The following CA4 variants were observed in gnomAD, a reference collection of about 807,000 sequenced individuals.
The protein encoded by CA4 is carbonic anhydrase 4, also known as CA-IV.
Under a neutral mutation model 34.5 loss-of-function variants are expected in CA4, and 24 were observed. That is an observed-to-expected ratio of 0.70 (90% CI 0.50 to 0.98). CA4 has a LOEUF of 0.98. CA4 is among the 50% of genes least tolerant of loss of function. The pLI, the probability that CA4 is intolerant of heterozygous loss-of-function variation, is 0.00. For synonymous variants in CA4, 178 were observed against 170.6 expected (o/e 1.04, Z -0.34); for missense variants, 394 against 396.7 (o/e 0.99, Z 0.06).
downstream of CA4, among the ~76,000 whole-genome samples, chr17:60,171,124 A>G (rs1297827289): frequency 6.6e-6 from 1 of 152,264 alleles, no homozygotes; most frequent in African/African-American, 2.4e-5. Context: ...ATAGAAGTCC[A>G]GTAAATGTCT....
chr17:60,158,846 T>C (rs2083744735), intron 7 of CA4: 1 of 408,518 alleles, frequency 2.4e-6, no homozygotes, highest in Admixed American at 3.9e-5. Flanking sequence ...GAAATGCTAA[T>C]CCTCAGAGCT....
At chr17:60,150,216 T>A in intron 1 of CA4, 124 bp downstream of exon 1, 1 of 800,888 alleles carries the variant, frequency 1.2e-6, no homozygotes, top group Non-Finnish European at 1.9e-6. Context: ...GGGTCCCGGG[T>A]TGCGTGTGCG....
intron 5 of CA4, among the ~76,000 whole-genome samples, chr17:60,168,814 G>A (rs1457367484): frequency 6.6e-6 from 1 of 152,148 alleles, no homozygotes; most frequent in Non-Finnish European, 1.5e-5. Flanking sequence ...ATACCCTCTG[G>A]AGGCTGCCAT....
At chr17:60,171,149 C>T (rs577775854), downstream of CA4, among the ~76,000 whole-genome samples, 12 of 152,356 alleles carry the variant, frequency 7.9e-5, no homozygotes, top group South Asian at 1.0e-3. Flanking sequence ...CCATCTCCAG[C>T]GTTTCTTCTG....
chr17:60,176,470 C>G, the CA4 span, among the ~76,000 whole-genome samples: 37 of 152,016 alleles, frequency 2.4e-4, no homozygotes, highest in Non-Finnish European at 4.9e-4. Flanking sequence ...AGGGACATCT[C>G]TGGTTTCTCG....
At chr17:60,159,193 C>G in intron 7 of CA4, 37 bp from the exon 8 acceptor site, 1 of 1,560,106 alleles carries the variant, frequency 6.4e-7, no homozygotes, top group Non-Finnish European at 8.7e-7. Context: ...GTGCAGCTCC[C>G]CCTGCCCCGA....
At chr17:60,155,424 C>A (rs574188723) in intron 2 of CA4, 57 bp downstream of exon 2, 2 of 1,411,878 alleles carry the variant, frequency 1.4e-6, no homozygotes, top group Non-Finnish European at 2.0e-6. Context: ...CCACGCAAGC[C>A]GAAATGGAGA....
rs2145275197 is a variant in CA4, at chr17:60,157,747, G to C, written c.472G>C (p.Asp158His). ...GTSRNVKEAQ[D>H]PEDEIAVLAF... The stretch of plus-strand genomic sequence containing the variant: ...ATCGAGGAATGTGAAAGAGGCCCAG[G>C]ACCCTGAAGACGAAATTGCGGTGCT... The change falls in exon 5 of 8, where the codon GAC becomes CAC. Residue 158 changes from aspartate (D) to histidine (H), a missense_variant. Physicochemically the swap from Asp to His is moderately conservative, Grantham distance 81 (BLOSUM62 -1). Transcript: ENST00000300900. 1 of 1,614,148 alleles carries C rather than the reference G, an allele frequency of 6.2e-7. No individual in the cohort carries two copies. The highest frequency in any genetic ancestry group is 8.5e-7 in the Non-Finnish European group (1 of 1,179,976).
downstream of CA4, among the ~76,000 whole-genome samples, chr17:60,164,202 CTTTCTTTT>C (rs200692107): frequency 0.015 from 1,637 of 111,454 alleles, 29 homozygotes; most frequent in African/African-American, 0.052. Context: ...TTCTTTCTTT[CTTTCTTTT>C]TTTCTTTCTT....
chr17:60,157,740 G>A lies in CA4; in HGVS notation c.465G>A (p.Glu155=), dbSNP rs933246040. 6 of 1,614,074 alleles carry A rather than the reference G, an allele frequency of 3.7e-6. No homozygotes were observed. The highest frequency in any genetic ancestry group is 1.1e-5 in the South Asian group (1 of 91,096). The change falls in exon 5 of 8, where the codon GAG becomes GAA. Residue 155 remains glutamate (E), a synonymous_variant. Transcript: ENST00000300900. ...KEKGTSRNVK[E]AQDPEDEIAV... is the part of the protein sequence containing the mutation. Reference sequence around the variant, plus strand: ...AGGGGACATCGAGGAATGTGAAAGAGGCCCAGGACCCTGAAGACGAAATTG... The same window carrying A: ...AGGGGACATCGAGGAATGTGAAAGAAGCCCAGGACCCTGAAGACGAAATTG...
chr17:60,163,527 T>C (rs1358745766), downstream of CA4, among the ~76,000 whole-genome samples: 1 of 151,074 alleles, frequency 6.6e-6, no homozygotes, highest in Non-Finnish European at 1.5e-5. Flanking sequence ...GTTGGGGAAC[T>C]GTTCCTGCAC....
At chr17:60,167,641 C>G (rs942536409) in intron 5 of CA4, among the ~76,000 whole-genome samples, 1 of 152,226 alleles carries the variant, frequency 6.6e-6, no homozygotes, top group African/African-American at 2.4e-5. Flanking sequence ...CCTGGTTTTC[C>G]AGGCTCTATT....
At chr17:60,150,787 G>A (rs1015692211) in intron 1 of CA4, among the ~76,000 whole-genome samples, 3 of 150,630 alleles carry the variant, frequency 2.0e-5, no homozygotes, top group Non-Finnish European at 2.9e-5. Flanking sequence ...GGGACTCAGC[G>A]CTGGGTGACT....
At chr17:60,154,486 T>A (rs1333077985) in intron 1 of CA4, among the ~76,000 whole-genome samples, 1 of 152,198 alleles carries the variant, frequency 6.6e-6, no homozygotes, top group Non-Finnish European at 1.5e-5. Context: ...GCCCTGCTGG[T>A]GCAGCCTTTT....
chr17:60,168,640 G>A (rs1411796754), intron 5 of CA4, among the ~76,000 whole-genome samples: 1 of 152,076 alleles, frequency 6.6e-6, no homozygotes, highest in Non-Finnish European at 1.5e-5. Context: ...CCTTCGTGGA[G>A]TGTGAAGGGA....
chr17:60,160,750 CAAA>C (rs201178794), downstream of CA4, among the ~76,000 whole-genome samples: 10 of 129,706 alleles, frequency 7.7e-5, no homozygotes, highest in African/African-American at 1.7e-4. Flanking sequence ...GACTCTGTCT[CAAA>C]AAAAAAAAAA....
downstream of CA4, among the ~76,000 whole-genome samples, chr17:60,173,524 T>C (rs2083931295): frequency 6.6e-6 from 1 of 152,264 alleles, no homozygotes; most frequent in South Asian, 2.1e-4. Flanking sequence ...ACACTGTCAA[T>C]AGCCTAGTGT....
At position 60,157,711 on chromosome 17, in the gene CA4, G is replaced by A. The variant is rs2083715270; in HGVS notation, c.436G>A (p.Glu146Lys). 1 of 1,614,004 alleles carries A rather than the reference G, an allele frequency of 6.2e-7. No homozygotes were observed. The highest frequency in any genetic ancestry group is 1.3e-5 in the African/African-American group (1 of 74,940). ...AMEMHIVHEK[E>K]KGTSRNVKEA... is the part of the protein sequence containing the mutation. ...CCAGATGCACATAGTACATGAGAAA[G>A]AGAAGGGGACATCGAGGAATGTGAA... Residue 146 changes from glutamate (E) to lysine (K), a missense_variant, in exon 5 of 8, where the codon GAG (glutamate) becomes AAG (lysine). Coordinates refer to ENST00000300900, the MANE Select transcript of CA4 (RefSeq NM_000717.5).
downstream of CA4, among the ~76,000 whole-genome samples, chr17:60,171,541 C>G (rs180849067): frequency 6.6e-6 from 1 of 152,340 alleles, no homozygotes; most frequent in Non-Finnish European, 1.5e-5. Flanking sequence ...AGAGTGTTCT[C>G]CTGGGAGCAC....
Sources: gnomAD v4.1 joint callset for allele counts (sites outside exome capture counted in the v4.1 genomes callset) on GRCh38, gnomAD v4.1.1 for gene constraint, MANE v1.5 for transcripts, NCBI Gene and HGNC (gene_info 2026-07-23, HGNC 2026-07-21) for gene names.